MDGA2: variants seen among roughly 807,000 people sequenced by gnomAD.
MDGA2 encodes MAM domain-containing glycosylphosphatidylinositol anchor protein 2.
In MDGA2, 40 loss-of-function variants were observed where a neutral mutation model predicts 117.8. The observed-to-expected ratio is 0.34, with a 90% CI of 0.26 to 0.44. The LOEUF (loss-of-function observed/expected upper bound fraction) is 0.44, where lower values mean the gene tolerates loss of function less well. Among genes scored for constraint, MDGA2 ranks in the 20% least tolerant of loss-of-function variants. The probability of loss-of-function intolerance (pLI) is 1.00; values close to 1 mark genes in which losing one functional copy is unlikely to be tolerated. For synonymous variants in MDGA2, 452 were observed against 439.0 expected (o/e 1.03, Z -0.37); for missense variants, 1,123 against 1,250.6 (o/e 0.90, Z 1.54).
chr14:47,223,920 C>T (rs139844789), intron 2 of MDGA2, among the ~76,000 whole-genome samples: 72 of 152,074 alleles, frequency 4.7e-4, no homozygotes, highest in African/African-American at 1.6e-3. Context: ...GCTGGAAAAG[C>T]CCCTTAAAAA....
Position 47,061,254 on chromosome 14 carries a change from C to T in MDGA2, c.1520G>A (p.Ser507Asn), listed in dbSNP as rs2138784887. 1 of 1,611,312 alleles carries T rather than the reference C, an allele frequency of 6.2e-7. No homozygotes were observed. The highest frequency in any genetic ancestry group is 1.7e-5 in the Admixed American group (1 of 59,914). ...CATAAATATATGCCTCTTACCTGTG[C>T]TGCTGGATATATTAACATCGATACT... The part of the protein sequence containing the change: ...DISIDVNISS[S>N]TVPPNLTVPQ... The change falls in exon 7 of 17, where the codon AGC (serine) becomes AAC (asparagine). Residue 507 changes from serine (S) to asparagine (N), a missense_variant. Transcript: ENST00000399232.
chr14:47,096,741 G>T, intron 6 of MDGA2, 113 bp downstream of exon 6: 1 of 1,051,146 alleles, frequency 9.5e-7, no homozygotes, highest in Non-Finnish European at 1.4e-6. Context: ...GATTTTATCT[G>T]TATTTTACAG....
intron 10 of MDGA2, among the ~76,000 whole-genome samples, chr14:46,914,043 T>C (rs952151310): frequency 6.6e-6 from 1 of 152,294 alleles, no homozygotes; most frequent in African/African-American, 2.4e-5. Flanking sequence ...TCATTGTGTA[T>C]TTCTATGGCT....
intron 2 of MDGA2, among the ~76,000 whole-genome samples, chr14:47,255,595 TC>T (rs1887591186): frequency 6.6e-6 from 1 of 152,232 alleles, no homozygotes; most frequent in Admixed American, 6.5e-5. Context: ...ATCCTCATTT[TC>T]TTTTCAGCTT....
chr14:47,129,402 C>G (rs1882079014), intron 5 of MDGA2, among the ~76,000 whole-genome samples: 1 of 152,138 alleles, frequency 6.6e-6, no homozygotes, highest in Non-Finnish European at 1.5e-5. Flanking sequence ...TCATCCATGT[C>G]CCCACAAAGG....
intron 3 of MDGA2, among the ~76,000 whole-genome samples, chr14:47,175,364 C>T (rs1884390926): frequency 6.6e-6 from 1 of 151,606 alleles, no homozygotes; most frequent in African/African-American, 2.4e-5. Context: ...AATTTTAGAC[C>T]AGTATCCTTG....
intron 5 of MDGA2, among the ~76,000 whole-genome samples, chr14:47,113,544 CATCAAAAAGCTTATCCACCACG>C (rs1881160657): frequency 6.6e-6 from 1 of 152,056 alleles, no homozygotes; most frequent in South Asian, 2.1e-4. Context: ...TCCAGCAGTA[CATCAAAAAGCTTATCCACCACG>C]ATCAAGTCAG....
At chr14:47,060,630 C>T (rs2138781829) in intron 7 of MDGA2, among the ~76,000 whole-genome samples, 1 of 152,076 alleles carries the variant, frequency 6.6e-6, no homozygotes, top group East Asian at 1.9e-4. Flanking sequence ...TACATTTAAT[C>T]AAGAAAAAAC....
intron 1 of MDGA2, among the ~76,000 whole-genome samples, chr14:47,404,511 T>C (rs899283775): frequency 1.3e-5 from 2 of 151,326 alleles, no homozygotes; most frequent in African/African-American, 4.9e-5. Context: ...AAAAAAAAAA[T>C]TGAGACAGGG....
At chr14:47,553,054 T>TCTAACCTGAGGCGGCC (rs201074458) in intron 1 of MDGA2, among the ~76,000 whole-genome samples, 13 of 152,170 alleles carry the variant, frequency 8.5e-5, no homozygotes, top group Admixed American at 3.9e-4. Context: ...CTGAGGCAGG[T>TCTAACCTGAGGCGGCC]CTAACCTGAG....
At chr14:47,466,868 G>T (rs1252505886) in intron 1 of MDGA2, among the ~76,000 whole-genome samples, 4 of 152,022 alleles carry the variant, frequency 2.6e-5, no homozygotes, top group East Asian at 3.9e-4. Context: ...CATTCTGCAG[G>T]TACCTTCAGT....
chr14:47,022,518 T>C lies in MDGA2; in HGVS notation c.1819+12493A>G, dbSNP rs560013689. Among the ~76,000 whole-genome samples the C allele has an allele frequency of 1.8e-4, 27 of 152,284 alleles. No homozygotes were observed. In the South Asian group the frequency reaches 5.4e-3, roughly 30 times the overall value. On this transcript the variant is annotated intron_variant, in intron 8 of 16. Transcript: ENST00000399232. ...GAAGGAAAGAGTTTATAATCTCTTA[T>C]GAGAGAGACAGAGAAAAAAAGAAAC...
intron 1 of MDGA2, among the ~76,000 whole-genome samples, chr14:47,487,406 A>G (rs1391193189): frequency 1.3e-5 from 2 of 152,212 alleles, no homozygotes; most frequent in African/African-American, 4.8e-5. Flanking sequence ...AAATATTTCT[A>G]CACCTTATTT....
At chr14:46,987,019 G>A (rs1419467122) in intron 8 of MDGA2, among the ~76,000 whole-genome samples, 1 of 152,046 alleles carries the variant, frequency 6.6e-6, no homozygotes, top group Non-Finnish European at 1.5e-5. Flanking sequence ...TTTTATGTAG[G>A]TAGGCATGTA....
At chr14:47,657,953 A>T (rs1278201901) in intron 1 of MDGA2, among the ~76,000 whole-genome samples, 1 of 152,156 alleles carries the variant, frequency 6.6e-6, no homozygotes, top group Non-Finnish European at 1.5e-5. Flanking sequence ...AAGAGGAGAC[A>T]GTGTAGTATC....
chr14:47,492,697 G>A (rs1308081912), intron 1 of MDGA2, among the ~76,000 whole-genome samples: 2 of 152,070 alleles, frequency 1.3e-5, no homozygotes, highest in Non-Finnish European at 2.9e-5. Flanking sequence ...GGACAGTTAA[G>A]TATTTTAAAG....
chr14:46,995,989 T>C (rs1347846312), intron 8 of MDGA2, among the ~76,000 whole-genome samples: 1 of 152,086 alleles, frequency 6.6e-6, no homozygotes, highest in Non-Finnish European at 1.5e-5. Context: ...CACTGGTCTA[T>C]ATCCAGTGGT....
intron 1 of MDGA2, among the ~76,000 whole-genome samples, chr14:47,321,338 T>C (rs1289814810): frequency 6.6e-6 from 1 of 152,250 alleles, no homozygotes; most frequent in African/African-American, 2.4e-5. Context: ...ACACAGCTGG[T>C]GTTTAATAGA....
intron 1 of MDGA2, among the ~76,000 whole-genome samples, chr14:47,419,141 G>A (rs1363507686): frequency 6.6e-6 from 1 of 152,084 alleles, no homozygotes; most frequent in Non-Finnish European, 1.5e-5. Context: ...ATTTTAAGTT[G>A]ATACTTCCAT....
Sources: allele counts gnomAD v4.1 joint callset (sites outside exome capture counted in the v4.1 genomes callset), GRCh38; gene constraint gnomAD v4.1.1; transcripts MANE v1.5; gene names NCBI Gene and HGNC (gene_info 2026-07-23, HGNC 2026-07-21).